The following CNTN5 variants were observed in gnomAD, a reference collection of about 807,000 sequenced individuals.
CNTN5 encodes the protein contactin-5.
A neutral mutation model predicts 129.1 loss-of-function variants in CNTN5; 77 were observed. The ratio of observed to expected loss-of-function variants is 0.60; its 90% confidence interval spans 0.50 to 0.72. The LOEUF (loss-of-function observed/expected upper bound fraction) is 0.72, where lower values mean the gene tolerates loss of function less well. Ranked by LOEUF, CNTN5 falls within the 30% of genes least tolerant of loss-of-function variation. CNTN5 has a pLI of 0.00. For missense variants in CNTN5, 1,478 were observed against 1,328.8 expected (o/e 1.11, Z -1.75); for synonymous variants, 509 against 465.6 (o/e 1.09, Z -1.20).
At chr11:99,717,943 C>A (rs1360548154) in intron 3 of CNTN5, among the ~76,000 whole-genome samples, 1 of 152,052 alleles carries the variant, frequency 6.6e-6, no homozygotes, top group Non-Finnish European at 1.5e-5. Context: ...ATACTTAGCA[C>A]CCCCCTAAAA....
intron 10 of CNTN5, among the ~76,000 whole-genome samples, chr11:100,064,311 T>C (rs1001526018): frequency 6.6e-6 from 1 of 152,158 alleles, no homozygotes; most frequent in Non-Finnish European, 1.5e-5. Context: ...TTCTAGTCCC[T>C]TTTCTTGGTC....
chr11:99,732,113 C>T (rs934319115), intron 3 of CNTN5, among the ~76,000 whole-genome samples: 1 of 152,194 alleles, frequency 6.6e-6, no homozygotes, highest in African/African-American at 2.4e-5. Flanking sequence ...TGAGTTTCAT[C>T]AGGCAAGGTA....
At chr11:99,023,737 T>G (rs1387376567) in intron 1 of CNTN5, among the ~76,000 whole-genome samples, 1 of 152,244 alleles carries the variant, frequency 6.6e-6, no homozygotes, top group Non-Finnish European at 1.5e-5. Context: ...TCATGTATCT[T>G]GATTACCTAT....
chr11:99,491,635 T>C (rs1054918867), intron 2 of CNTN5, among the ~76,000 whole-genome samples: 10 of 152,186 alleles, frequency 6.6e-5, no homozygotes, highest in African/African-American at 2.4e-4. Flanking sequence ...TCCAGAAGCA[T>C]AGCATTTCAA....
chr11:100,288,845 A>C (rs1268820936), intron 18 of CNTN5, among the ~76,000 whole-genome samples: 2 of 152,158 alleles, frequency 1.3e-5, no homozygotes, highest in African/African-American at 4.8e-5. Context: ...GGATCAACAA[A>C]ATTGATAGAC....
chr11:100,131,025 C>T (rs1946358143), intron 13 of CNTN5, among the ~76,000 whole-genome samples: 1 of 152,010 alleles, frequency 6.6e-6, no homozygotes, highest in Non-Finnish European at 1.5e-5. Flanking sequence ...GCAGGGCTAC[C>T]TAAGGGGTCT....
chr11:99,309,696 T>A (rs1282250597), intron 1 of CNTN5, among the ~76,000 whole-genome samples: 1 of 152,214 alleles, frequency 6.6e-6, no homozygotes, highest in Non-Finnish European at 1.5e-5. Flanking sequence ...AAGCCCAGAA[T>A]AATATCCCAA....
chr11:99,912,644 A>AT (rs1949691326), intron 6 of CNTN5, among the ~76,000 whole-genome samples: 3 of 95,720 alleles, frequency 3.1e-5, no homozygotes, highest in African/African-American at 1.3e-4. Flanking sequence ...TGTTTTTCAT[A>AT]GTTTTTTTTT....
chr11:99,036,574 TTA>T (rs1185408978), intron 1 of CNTN5, among the ~76,000 whole-genome samples: 5 of 152,124 alleles, frequency 3.3e-5, no homozygotes, highest in East Asian at 1.9e-4. Context: ...GTTATGAATT[TTA>T]TATGAGTGGA....
intron 2 of CNTN5, among the ~76,000 whole-genome samples, chr11:99,498,733 T>C (rs1946321487): frequency 6.6e-6 from 1 of 152,130 alleles, no homozygotes; most frequent in Admixed American, 6.6e-5. Flanking sequence ...TAGGGAAAAA[T>C]GATGCCTCAG....
intron 3 of CNTN5, among the ~76,000 whole-genome samples, chr11:99,762,894 C>G (rs1352320557): frequency 2.6e-5 from 4 of 152,084 alleles, no homozygotes; most frequent in African/African-American, 9.7e-5. Flanking sequence ...GAATTCTTTT[C>G]TTGTGAATTC....
chr11:99,066,863 A>T (rs1011697368), intron 1 of CNTN5, among the ~76,000 whole-genome samples: 1 of 152,110 alleles, frequency 6.6e-6, no homozygotes, highest in Non-Finnish European at 1.5e-5. Flanking sequence ...GGAGGCATAG[A>T]TCTCTTTTGA....
chr11:99,194,522 C>T (rs988042852), intron 1 of CNTN5, among the ~76,000 whole-genome samples: 1 of 152,062 alleles, frequency 6.6e-6, no homozygotes, highest in African/African-American at 2.4e-5. Flanking sequence ...TTATGAGAAC[C>T]TAGATCTGGA....
chr11:99,086,466 T>TG (rs1866009822), intron 1 of CNTN5, among the ~76,000 whole-genome samples: 1 of 152,018 alleles, frequency 6.6e-6, no homozygotes, highest in South Asian at 2.1e-4. Context: ...GAAGGTGAAG[T>TG]GGGGGGCCAG....
chr11:99,697,972 T>C (rs1353487131), intron 3 of CNTN5, among the ~76,000 whole-genome samples: 1 of 151,562 alleles, frequency 6.6e-6, no homozygotes, highest in Non-Finnish European at 1.5e-5. Flanking sequence ...TTTTCCTAAA[T>C]AGCAAAAAGG....
chr11:100,159,676 A>C (rs143701523), intron 13 of CNTN5, among the ~76,000 whole-genome samples: 18 of 152,074 alleles, frequency 1.2e-4, no homozygotes, highest in African/African-American at 3.9e-4. Context: ...TTAGAAATTT[A>C]GAAGAAATGT....
intron 13 of CNTN5, among the ~76,000 whole-genome samples, chr11:100,167,704 G>T (rs1396921876): frequency 2.6e-5 from 4 of 151,896 alleles, no homozygotes; most frequent in Non-Finnish European, 5.9e-5. Context: ...TCTGGAAGGA[G>T]GTGACACTTA....
At chr11:100,054,752 G>C (rs1335707533) in intron 9 of CNTN5, among the ~76,000 whole-genome samples, 1 of 151,620 alleles carries the variant, frequency 6.6e-6, no homozygotes, top group Non-Finnish European at 1.5e-5. Flanking sequence ...GCATAAAAAA[G>C]AAACCCTAGA....
intron 1 of CNTN5, among the ~76,000 whole-genome samples, chr11:99,085,341 G>A (rs1280999806): frequency 3.3e-5 from 5 of 152,032 alleles, no homozygotes; most frequent in African/African-American, 4.8e-5. Flanking sequence ...CACCGTGCCC[G>A]GCCTAGTAAC....
Sources: gnomAD v4.1 joint callset for allele counts (sites outside exome capture counted in the v4.1 genomes callset) on GRCh38, gnomAD v4.1.1 for gene constraint, MANE v1.5 for transcripts, NCBI Gene and HGNC (gene_info 2026-07-23, HGNC 2026-07-21) for gene names.